CPNE3: variants seen among roughly 807,000 people sequenced by gnomAD.
The protein encoded by CPNE3 is copine 3, also known as copine-3.
A neutral mutation model predicts 63.9 loss-of-function variants in CPNE3; 68 were observed. That is an observed-to-expected ratio of 1.06 (90% CI 0.87 to 1.30). CPNE3 has a LOEUF of 1.30. CPNE3 is among the 50% of genes most tolerant of loss of function. The pLI, the probability that CPNE3 is intolerant of heterozygous loss-of-function variation, is 0.00. For synonymous variants in CPNE3, 219 were observed against 197.5 expected (o/e 1.11, Z -0.91); for missense variants, 665 against 578.1 (o/e 1.15, Z -1.54).
Position 86,558,820 on chromosome 8 carries a change from A to C in CPNE3, c.*410A>C. 4.9e-6 allele frequency: 1 copy of C among 204,742 alleles called. No individual in the cohort carries two copies. 12.7% of individuals were successfully genotyped at this position (204,742 alleles called of 1,614,324 possible). A position where few individuals can be genotyped will look rare whatever the true frequency, so the allele number is the denominator to read the frequency against. ...ATTCACAGTGTATGTTGTATAAGCC[A>C]ATGTCCATACCTGATTATGAGAGCT... On this transcript the variant is annotated 3_prime_UTR_variant, in exon 17 of 17. Transcript: ENST00000517490.
intron 4 of CPNE3, among the ~76,000 whole-genome samples, chr8:86,529,503 C>A (rs1256095229): frequency 6.6e-6 from 1 of 152,064 alleles, no homozygotes; most frequent in Non-Finnish European, 1.5e-5. Context: ...CCTGCTGACT[C>A]GCAATGCCCC....
chr8:86,554,789 T>A (rs1821276890), intron 14 of CPNE3, 62 bp from the exon 15 acceptor site: 1 of 1,582,906 alleles, frequency 6.3e-7, no homozygotes, highest in African/African-American at 1.4e-5. Context: ...GCCAGTATTG[T>A]GAATAAACAC....
chr8:86,545,090 T>A (rs1563696131), intron 9 of CPNE3: 1 of 250,536 alleles, frequency 4.0e-6, no homozygotes, highest in East Asian at 7.5e-5. Flanking sequence ...GCAAAGATGA[T>A]CACAGTGTCA....
chr8:86,558,452 A>G lies in CPNE3; in HGVS notation c.*42A>G, dbSNP rs1821370518. 17 of 871,506 alleles carry G rather than the reference A, an allele frequency of 2.0e-5. No homozygotes were observed. Among genetic ancestry groups the G allele is most frequent in the Non-Finnish European group, 3.4e-5 (17 of 500,640 alleles). 54.0% of individuals were successfully genotyped at this position (871,506 alleles called of 1,614,324 possible). The stretch of plus-strand genomic sequence containing the variant: ...CTTTTGTGTTATGTGGAGCAATGCC[A>G]TCTCTCACCCCAAATCGTGTATCTG... On this transcript the variant is annotated 3_prime_UTR_variant, in exon 17 of 17. Transcript: ENST00000517490.
chr8:86,540,959 A>G (rs767299537), intron 8 of CPNE3, among the ~76,000 whole-genome samples: 12 of 152,176 alleles, frequency 7.9e-5, no homozygotes, highest in Non-Finnish European at 1.3e-4. Context: ...AAACTCATGG[A>G]GTGGTGTTGA....
intron 12 of CPNE3, among the ~76,000 whole-genome samples, chr8:86,549,051 G>T (rs1437822243): frequency 6.6e-6 from 1 of 152,088 alleles, no homozygotes; most frequent in Non-Finnish European, 1.5e-5. Context: ...CCTATTGAGG[G>T]TTTACTAAAC....
rs1354059091 is a variant in CPNE3 at position 86,556,343 on chromosome 8, G to C, written c.1491+5G>C. The C allele has an allele frequency of 4.6e-6, 4 of 872,788 alleles. No individual in the cohort carries two copies. Among genetic ancestry groups the C allele is most frequent in the Non-Finnish European group, 8.0e-6 (4 of 501,612 alleles). The allele number at this position is 872,788 out of a possible 1,614,324, so 54.1% of individuals were successfully genotyped here. ...CCTTTCAGACAGTTCCAGAATGTGA[G>C]TACCACTCCTCCCTACTCAAACACT... On this transcript the variant is annotated splice_donor_5th_base_variant and intron_variant, in intron 16 of 16. Transcript: ENST00000517490.
intron 6 of CPNE3, among the ~76,000 whole-genome samples, chr8:86,533,202 A>C (rs910576623): frequency 6.6e-6 from 1 of 151,982 alleles, no homozygotes. Context: ...TTTTGTACTT[A>C]ATTCTATAAT....
intron 2 of CPNE3, among the ~76,000 whole-genome samples, chr8:86,521,221 A>G (rs74975378): frequency 0.013 from 2,030 of 152,292 alleles, 25 homozygotes; most frequent in Middle Eastern, 0.048. Context: ...CACACTAGCA[A>G]GGAGAACTTG....
chr8:86,526,829 G>GAA (rs1173509141), intron 2 of CPNE3, among the ~76,000 whole-genome samples: 1 of 152,068 alleles, frequency 6.6e-6, no homozygotes, highest in Non-Finnish European at 1.5e-5. Flanking sequence ...TTTTTAAACG[G>GAA]GTTTTCTAGC....
intron 16 of CPNE3, among the ~76,000 whole-genome samples, chr8:86,557,514 G>A (rs541749206): frequency 2.7e-4 from 41 of 152,150 alleles, no homozygotes; most frequent in Non-Finnish European, 4.7e-4. Context: ...TGGGTTATAC[G>A]GTAGTTGCAT....
At chr8:86,529,441 T>C (rs60795582) in intron 4 of CPNE3, among the ~76,000 whole-genome samples, 2 of 152,172 alleles carry the variant, frequency 1.3e-5, no homozygotes. Flanking sequence ...AAGCCATAAA[T>C]GCATTCAAGA....
chr8:86,530,700 T>C (rs1471558257), intron 4 of CPNE3, among the ~76,000 whole-genome samples: 2 of 151,330 alleles, frequency 1.3e-5, no homozygotes, highest in Non-Finnish European at 3.0e-5. Flanking sequence ...ATTTTTTTTT[T>C]TTTTTTTTGA....
Position 86,522,548 on chromosome 8 carries a change from C to CTTTTTTTT in CPNE3, c.-10-5966_-10-5959dup, listed in dbSNP as rs36073581. 1.6e-3 allele frequency among the ~76,000 whole-genome samples: 131 copies of CTTTTTTTT among 82,172 alleles called. 19 individuals carry two copies. The highest frequency in any genetic ancestry group is 2.2e-3 in the Non-Finnish European group (104 of 46,546). The allele number at this position is 82,172 out of a possible 152,430, so 53.9% of individuals were successfully genotyped here. On this transcript the variant is annotated intron_variant, in intron 2 of 16. Transcript: ENST00000517490. ...CAGCCATATTACCTGACGCCCGCTG[C>CTTTTTTTT]TTTTTTTTTTTTTTTTTTTTTTTTT...
chr8:86,522,124 T>C (rs1312037323), intron 2 of CPNE3, among the ~76,000 whole-genome samples: 1 of 152,176 alleles, frequency 6.6e-6, no homozygotes, highest in Non-Finnish European at 1.5e-5. Flanking sequence ...CTGCAAATTC[T>C]TTTTGTAGTG....
intron 6 of CPNE3, among the ~76,000 whole-genome samples, chr8:86,534,010 C>T (rs1820745238): frequency 6.6e-6 from 1 of 151,970 alleles, no homozygotes; most frequent in Admixed American, 6.6e-5. Flanking sequence ...CCTGTAGTCC[C>T]AGCTACTCAG....
chr8:86,527,971 TAGAC>T (rs1820576347), intron 2 of CPNE3, among the ~76,000 whole-genome samples: 1 of 141,878 alleles, frequency 7.0e-6, no homozygotes, highest in Admixed American at 7.4e-5. Flanking sequence ...TTTTTTTTTT[TAGAC>T]AGAGTCTCTA....
chr8:86,540,979 A>T (rs376394402), intron 8 of CPNE3, among the ~76,000 whole-genome samples: 2 of 152,212 alleles, frequency 1.3e-5, no homozygotes, highest in African/African-American at 4.8e-5. Flanking sequence ...AGAATGAAAA[A>T]TATATACATA....
intron 2 of CPNE3, among the ~76,000 whole-genome samples, chr8:86,523,468 A>G (rs1039381491): frequency 3.9e-5 from 6 of 152,220 alleles, no homozygotes; most frequent in Admixed American, 3.3e-4. Context: ...AGACGGAGTG[A>G]TGAGCCACAA....
Sources: allele counts gnomAD v4.1 joint callset (sites outside exome capture counted in the v4.1 genomes callset), GRCh38; gene constraint gnomAD v4.1.1; transcripts MANE v1.5; gene names NCBI Gene and HGNC (gene_info 2026-07-23, HGNC 2026-07-21).